Variants in HYDIN observed in about 807,000 individuals in gnomAD.
HYDIN encodes the protein axonemal central pair apparatus protein HYDIN.
HYDIN carries 132 observed loss-of-function variants against 403.9 expected under a neutral mutation model. That is an observed-to-expected ratio of 0.33 (90% CI 0.28 to 0.38). The LOEUF is 0.38. Among genes scored for constraint, HYDIN ranks in the 10% least tolerant of loss-of-function variants. The pLI is 1.00. For missense variants in HYDIN, 2,827 were observed against 5,009.5 expected (o/e 0.56, Z 13.15); for synonymous variants, 1,202 against 1,891.7 (o/e 0.64, Z 9.46).
chr16:70,938,738 C>T lies in HYDIN; in HGVS notation c.6871G>A (p.Ala2291Thr), dbSNP rs1224524408. 6.2e-7 allele frequency: 1 copy of T among 1,614,048 alleles called. No homozygotes were observed. Among genetic ancestry groups the T allele is most frequent in the Non-Finnish European group, 8.5e-7 (1 of 1,180,046 alleles). The change falls in exon 44 of 86, where the codon GCT (alanine) becomes ACT (threonine). Residue 2291 changes from alanine to threonine, a missense_variant. Transcript: ENST00000393567. ...KEQEERKHKG[A>T]LEKEKERLQN... is the part of the protein sequence containing the mutation. ...AGACGCTCCTTCTCTTTCTCAAGAGCTCCCTTGTGCTTGCGTTCTGTGAGG... is the reference window on the plus strand; with the variant it reads ...AGACGCTCCTTCTCTTTCTCAAGAGTTCCCTTGTGCTTGCGTTCTGTGAGG...
chr16:71,180,127 C>G (rs1270633117), intron 3 of HYDIN, among the ~76,000 whole-genome samples: 1 of 151,686 alleles, frequency 6.6e-6, no homozygotes, highest in African/African-American at 2.4e-5. Flanking sequence ...GACAAAATAC[C>G]TCATGAGTTT....
chr16:71,045,469 T>C (rs867821151), intron 18 of HYDIN, among the ~76,000 whole-genome samples: 8 of 152,204 alleles, frequency 5.3e-5, no homozygotes, highest in East Asian at 1.9e-4. Flanking sequence ...ACTTTGATTA[T>C]TGGGGAGGCA....
In HYDIN at chr16:71,186,871, A is replaced by G. The variant is rs771473415; in HGVS notation, c.25T>C (p.Ser9Pro). 2 of 1,612,146 alleles carry G rather than the reference A, an allele frequency of 1.2e-6. No homozygotes were observed. Among genetic ancestry groups the G allele is most frequent in the Admixed American group, 3.3e-5 (2 of 59,888 alleles). ...AATCCCATCTGAACAGCCCCCATGGACTCCTCAAGTCTTCTACTTGTCATT... is the reference window on the plus strand; with the variant it reads ...AATCCCATCTGAACAGCCCCCATGGGCTCCTCAAGTCTTCTACTTGTCATT... Reference protein sequence around the residue: MTSRRLEESMGAVQMGLVN... With the variant: MTSRRLEEPMGAVQMGLVN... The change falls in exon 2 of 86, where the codon TCC becomes CCC. Residue 9 changes from serine (S) to proline (P), a missense_variant. Coordinates refer to ENST00000393567, the MANE Select transcript of HYDIN (RefSeq NM_001270974.2).
Position 70,922,501 on chromosome 16 carries a change from T to A in HYDIN, c.7159-1284A>T, listed in dbSNP as rs544586542. ...AACATTTACAGAAACCAGTCACCGA[T>A]GAGGCCACACAGCAAGGCTCCACAG... On this transcript the variant is annotated intron_variant, in intron 45 of 85. Coordinates refer to ENST00000393567, the MANE Select transcript of HYDIN (RefSeq NM_001270974.2). 4.6e-5 allele frequency among the ~76,000 whole-genome samples: 7 copies of A among 152,328 alleles called. No homozygotes were observed. In the South Asian group the frequency reaches 1.5e-3, roughly 32 times the overall value.
intron 60 of HYDIN, among the ~76,000 whole-genome samples, chr16:70,880,502 T>C (rs1383131319): frequency 6.6e-6 from 1 of 151,898 alleles, no homozygotes; most frequent in African/African-American, 2.4e-5. Flanking sequence ...CATCCGCTGG[T>C]CTTCTAAAGG....
At chr16:70,938,805 C>A (rs548210040) in intron 43 of HYDIN, 50 bp from the exon 44 acceptor site, 2 of 1,605,510 alleles carry the variant, frequency 1.2e-6, no homozygotes, top group Admixed American at 3.4e-5. Context: ...TTCTCAGTCT[C>A]GCTAGCAGCC....
In HYDIN at chr16:70,849,873, T is replaced by G; in HGVS notation, c.12726A>C (p.Ala4242=). 2 of 746,346 alleles carry G rather than the reference T, an allele frequency of 2.7e-6. No individual in the cohort carries two copies. The highest frequency in any genetic ancestry group is 5.4e-5 in the East Asian group (2 of 37,174). The allele number at this position is 746,346 out of a possible 1,614,324, so 46.2% of individuals were successfully genotyped here. A position where few individuals can be genotyped will look rare whatever the true frequency, so the allele number is the denominator to read the frequency against. ...NTGKFTFSFQ[A]QLCGSKTLLQ... ...GCAAGGTTTTGGAGCCACACAGCTG[T>G]GCCTGGAAGCTGAAGGTGAACTTTC... is the stretch of plus-strand genomic sequence containing the variant. Residue 4242 remains alanine, a synonymous_variant, in exon 75 of 86, where the codon GCA becomes GCC. Transcript: ENST00000393567.
chr16:70,910,286 C>T (rs2076661356), intron 47 of HYDIN, among the ~76,000 whole-genome samples: 1 of 152,082 alleles, frequency 6.6e-6, no homozygotes. Flanking sequence ...CATTCTTATG[C>T]CTTTGTGTCC....
At chr16:70,994,172 C>T (rs1000550267) in intron 23 of HYDIN, among the ~76,000 whole-genome samples, 8 of 151,968 alleles carry the variant, frequency 5.3e-5, no homozygotes, top group African/African-American at 1.9e-4. Context: ...GGAGGATCCA[C>T]GGTGTCCCCT....
intron 1 of HYDIN, among the ~76,000 whole-genome samples, chr16:71,225,193 T>G (rs552681628): frequency 1.3e-5 from 2 of 152,212 alleles, no homozygotes; most frequent in East Asian, 3.9e-4. Flanking sequence ...CGTTCCCCAC[T>G]ACTTTCTTTC....
intron 44 of HYDIN, among the ~76,000 whole-genome samples, chr16:70,937,586 T>G (rs1597367539): frequency 1.6e-5 from 2 of 121,566 alleles, no homozygotes; most frequent in Non-Finnish European, 3.4e-5. Context: ...ACCCAGGAGG[T>G]GGAGGTTGCA....
chr16:71,120,019 G>A (rs2144484926), intron 9 of HYDIN, among the ~76,000 whole-genome samples: 2 of 150,924 alleles, frequency 1.3e-5, no homozygotes, highest in East Asian at 3.9e-4. Context: ...TCCTGGCTCT[G>A]ACATCAATAT....
chr16:70,874,629 G>C lies in HYDIN; in HGVS notation c.10661-37C>G, dbSNP rs374780555. 2,660 of 542,722 alleles carry C rather than the reference G, an allele frequency of 4.9e-3. 72 individuals are homozygous for C. In the African/African-American group the frequency reaches 0.052, roughly 11 times the overall value. 33.6% of individuals were successfully genotyped at this position (542,722 alleles called of 1,614,324 possible). ...AGAGAGAAGATATGATTTAGAACTA[G>C]TTTCAAGAAATGTGTATCTATAAAG... On this transcript the variant is annotated intron_variant, in intron 63 of 85. Coordinates refer to ENST00000393567, the MANE Select transcript of HYDIN (RefSeq NM_001270974.2).
intron 18 of HYDIN, among the ~76,000 whole-genome samples, chr16:71,035,990 G>A (rs1265625860): frequency 6.6e-6 from 1 of 150,880 alleles, no homozygotes; most frequent in East Asian, 1.9e-4. Context: ...TGGAGGTTAG[G>A]AAATGTAGTC....
chr16:71,198,075 G>A (rs2087795546), intron 1 of HYDIN, among the ~76,000 whole-genome samples: 1 of 152,152 alleles, frequency 6.6e-6, no homozygotes, highest in Non-Finnish European at 1.5e-5. Context: ...ACTTAAGCAT[G>A]CATCCCTTAA....
At chr16:71,230,199 A>G (rs2144785815) in intron 1 of HYDIN, among the ~76,000 whole-genome samples, 1 of 152,278 alleles carries the variant, frequency 6.6e-6, no homozygotes, top group Non-Finnish European at 1.5e-5. Context: ...AGAACTTTAT[A>G]TTTTCAAAAC....
intron 29 of HYDIN, among the ~76,000 whole-genome samples, chr16:70,980,141 G>A (rs1344650206): frequency 6.7e-6 from 1 of 150,154 alleles, no homozygotes. Flanking sequence ...GAAATTATAT[G>A]TAGAGCTGGA....
At position 70,857,923 on chromosome 16, in the gene HYDIN, C is replaced by G. The variant is rs558906994; in HGVS notation, c.12130-53G>C. ...TAAAAGACACTTCTGTATGCTTACT[C>G]CACATGTCCCTGGAGACTTGTCAGC... is the stretch of plus-strand genomic sequence containing the variant. On this transcript the variant is annotated intron_variant, in intron 71 of 85. Coordinates refer to ENST00000393567, the MANE Select transcript of HYDIN (RefSeq NM_001270974.2). 147 of 1,514,368 alleles carry G rather than the reference C, an allele frequency of 9.7e-5. 1 individual carries two copies. In the African/African-American group the frequency reaches 1.5e-3, roughly 16 times the overall value. The allele number at this position is 1,514,368 out of a possible 1,614,324, so 93.8% of individuals were successfully genotyped here.
At chr16:71,185,416 A>G (rs2087098487) in intron 2 of HYDIN, among the ~76,000 whole-genome samples, 1 of 152,202 alleles carries the variant, frequency 6.6e-6, no homozygotes, top group Admixed American at 6.5e-5. Flanking sequence ...ACATTACAAT[A>G]TGCAAACAAA....
Sources: gnomAD v4.1 joint callset for allele counts (sites outside exome capture counted in the v4.1 genomes callset) on GRCh38, gnomAD v4.1.1 for gene constraint, MANE v1.5 for transcripts, NCBI Gene and HGNC (gene_info 2026-07-23, HGNC 2026-07-21) for gene names.